Variants in SHANK2 observed in about 807,000 individuals in gnomAD.
SHANK2 encodes SH3 and multiple ankyrin repeat domains protein 2.
In SHANK2, 43 loss-of-function variants were observed where a neutral mutation model predicts 133.7. The observed-to-expected ratio is 0.32, with a 90% CI of 0.25 to 0.41. The LOEUF is 0.41. SHANK2 is among the 10% of genes least tolerant of loss of function. SHANK2 has a pLI of 1.00. For missense variants in SHANK2, 1,994 were observed against 2,235.8 expected, an observed-to-expected ratio of 0.89 and a Z score of 2.18; for synonymous variants, 1,017 against 952.8, an observed-to-expected ratio of 1.07 and a Z score of -1.24.
At chr11:70,623,876 C>A (rs2060867506) in intron 17 of SHANK2, among the ~76,000 whole-genome samples, 1 of 152,136 alleles carries the variant, frequency 6.6e-6, no homozygotes, top group South Asian at 2.1e-4. Flanking sequence ...TATGAAGGTC[C>A]CAGGGCATCT....
intron 2 of SHANK2, among the ~76,000 whole-genome samples, chr11:71,198,300 C>T (rs1197517813): frequency 6.6e-6 from 1 of 152,124 alleles, no homozygotes; most frequent in African/African-American, 2.4e-5. Flanking sequence ...GGGCCTCCTG[C>T]CCAGCATCTG....
intron 25 of SHANK2, among the ~76,000 whole-genome samples, chr11:70,480,535 C>T (rs1225048493): frequency 2.0e-5 from 3 of 152,126 alleles, no homozygotes; most frequent in African/African-American, 7.2e-5. Flanking sequence ...TTGGGTTTGT[C>T]TTATTATTTG....
chr11:70,576,224 G>A (rs1554984198), intron 17 of SHANK2, among the ~76,000 whole-genome samples: 1 of 152,148 alleles, frequency 6.6e-6, no homozygotes, highest in African/African-American at 2.4e-5. Flanking sequence ...GAGGCTGGGG[G>A]TACAGACACG....
chr11:71,085,470 AT>A (rs1951366121), intron 8 of SHANK2, among the ~76,000 whole-genome samples: 13 of 126,428 alleles, frequency 1.0e-4, no homozygotes, highest in African/African-American at 4.0e-4. Context: ...ATATATATAT[AT>A]ATAATATATA....
chr11:70,842,763 G>C lies in SHANK2; in HGVS notation c.1175-22081C>G, dbSNP rs185208305. Among the ~76,000 whole-genome samples, 1,521 of 152,278 alleles carry C rather than the reference G, an allele frequency of 1.0e-2. 90 individuals carry two copies. The highest frequency in any genetic ancestry group is 0.094 in the Admixed American group (1,440 of 15,298). ...GGAGACACTGCTGGAGGCTCCCAGG[G>C]GGGTGGGAGGCAGCACGCAGGGTCT... is the stretch of plus-strand genomic sequence containing the variant. On this transcript the variant is annotated intron_variant, in intron 11 of 25. Coordinates refer to ENST00000601538, the MANE Select transcript of SHANK2 (RefSeq NM_012309.5).
intron 14 of SHANK2, among the ~76,000 whole-genome samples, chr11:70,702,743 C>T (rs1376931065): frequency 2.0e-5 from 3 of 152,154 alleles, no homozygotes; most frequent in Non-Finnish European, 4.4e-5. Flanking sequence ...ACACAATATC[C>T]CAAAGTAAGC....
chr11:70,691,362 T>C (rs1945285954), intron 15 of SHANK2, among the ~76,000 whole-genome samples: 1 of 151,992 alleles, frequency 6.6e-6, no homozygotes, highest in Admixed American at 6.6e-5. Context: ...GGTCCCCCGT[T>C]TAGGCACTGG....
intron 25 of SHANK2, among the ~76,000 whole-genome samples, chr11:70,478,699 C>T (rs2058696198): frequency 6.6e-6 from 1 of 152,232 alleles, no homozygotes; most frequent in African/African-American, 2.4e-5. Context: ...TCACCCCCAG[C>T]TCTGAGTGCC....
At chr11:70,673,744 G>A (rs992572976) in intron 15 of SHANK2, among the ~76,000 whole-genome samples, 2 of 152,254 alleles carry the variant, frequency 1.3e-5, no homozygotes, top group African/African-American at 4.8e-5. Flanking sequence ...CCAGGCCCAT[G>A]CCGGAGGAGA....
At chr11:71,234,183 TAA>T (rs71049965) in intron 1 of SHANK2, among the ~76,000 whole-genome samples, 4 of 35,476 alleles carry the variant, frequency 1.1e-4, no homozygotes, top group African/African-American at 5.4e-4. Context: ...CCCTCTCTAC[TAA>T]AAAAAAAAAA....
At chr11:70,547,707 CA>C (rs782329107) in intron 17 of SHANK2, among the ~76,000 whole-genome samples, 6 of 152,214 alleles carry the variant, frequency 3.9e-5, no homozygotes, top group Non-Finnish European at 7.3e-5. Context: ...AAAAGAAAAG[CA>C]ACTTCTCTGG....
chr11:71,141,155 C>T (rs147577914), intron 3 of SHANK2, among the ~76,000 whole-genome samples: 223 of 152,314 alleles, frequency 1.5e-3, no homozygotes, highest in South Asian at 6.4e-3. Flanking sequence ...TGCTGCGTTC[C>T]GTTTGAGTGT....
intron 17 of SHANK2, among the ~76,000 whole-genome samples, chr11:70,611,562 G>A (rs1325308890): frequency 3.9e-5 from 6 of 152,358 alleles, no homozygotes; most frequent in South Asian, 2.1e-4. Context: ...AGTGACATGG[G>A]ACAGAAACAG....
At position 70,479,444 on chromosome 11, in the gene SHANK2, G is replaced by A. The variant is rs2058704343; in HGVS notation, c.4979+5870C>T. On this transcript the variant is annotated intron_variant, in intron 25 of 25. Transcript: ENST00000601538. This position sits in a 1 kb window ranked among gnomAD's most constrained non-coding sequence, Gnocchi z 4.4. ...GCAGCAGGCGCAGGGGCCTCGGGAG[G>A]AAAACTCGCCTGAGCTCACATCCCA... is the stretch of plus-strand genomic sequence containing the variant. Among the ~76,000 whole-genome samples the A allele has an allele frequency of 6.6e-6, 1 of 152,242 alleles. No homozygotes were observed. The highest frequency in any genetic ancestry group is 2.4e-5 in the African/African-American group (1 of 41,468).
chr11:71,118,979 G>C lies in SHANK2; in HGVS notation c.261C>G (p.Ile87Met). Residue 87 changes from isoleucine to methionine, a missense_variant, in exon 4 of 26, where the codon ATC (isoleucine) becomes ATG (methionine). By Grantham distance (10) the Ile-to-Met change is conservative. Coordinates refer to ENST00000601538, the MANE Select transcript of SHANK2 (RefSeq NM_012309.5). ...TCAAACTCTGGGTTAATGTACACAGGATCCGCTGCTTTGCAACCCACACTG... is the reference window on the plus strand; with the variant it reads ...TCAAACTCTGGGTTAATGTACACAGCATCCGCTGCTTTGCAACCCACACTG... ...DATVWVAKQR[I>M]LCTLTQSLKD... The C allele has an allele frequency of 6.4e-7, 1 of 1,551,762 alleles. No individual in the cohort carries two copies. The highest frequency in any genetic ancestry group is 8.7e-7 in the Non-Finnish European group (1 of 1,147,002).
chr11:70,610,777 C>G (rs1037123340), intron 17 of SHANK2, among the ~76,000 whole-genome samples: 1 of 152,222 alleles, frequency 6.6e-6, no homozygotes, highest in African/African-American at 2.4e-5. Context: ...GCCGGCCCCT[C>G]TGGGCTTTCT....
rs542764738 is a variant in SHANK2, at chr11:71,126,605, G to A, written c.208-7573C>T. Among the ~76,000 whole-genome samples, 4 of 152,218 alleles carry A rather than the reference G, an allele frequency of 2.6e-5. No individual in the cohort carries two copies. In the East Asian group the frequency reaches 5.8e-4, roughly 22 times the overall value. ...GGAGCTGGGCAAAGTCAAGTCAACT[G>A]AAACCTTCTGGAAAGAATTTAGCAT... is the stretch of plus-strand genomic sequence containing the variant. On this transcript the variant is annotated intron_variant, in intron 3 of 25. Transcript: ENST00000601538.
intron 11 of SHANK2, chr11:70,826,714 C>G: frequency 3.0e-6 from 1 of 336,606 alleles, no homozygotes; most frequent in South Asian, 2.3e-5. Context: ...TGTCTGTCAG[C>G]TGGGAACCAA....
chr11:70,940,387 C>G (rs1293288713), intron 10 of SHANK2, among the ~76,000 whole-genome samples: 1 of 151,840 alleles, frequency 6.6e-6, no homozygotes. Flanking sequence ...GCTGGGATTA[C>G]AGGCACATGC....
Sources: gnomAD v4.1 joint callset for allele counts (sites outside exome capture counted in the v4.1 genomes callset) on GRCh38, gnomAD v4.1.1 for gene constraint, Gnocchi (gnomAD v3.1) non-coding constraint, MANE v1.5 for transcripts, NCBI Gene and HGNC (gene_info 2026-07-23, HGNC 2026-07-21) for gene names.